SPATA24: variants seen among roughly 807,000 people sequenced by gnomAD.
The protein encoded by SPATA24 is spermatogenesis-associated protein 24.
In SPATA24, 21 loss-of-function variants were observed where a neutral mutation model predicts 28.9. The ratio of observed to expected loss-of-function variants is 0.73; its 90% CI spans 0.52 to 1.05. SPATA24 has a LOEUF of 1.05. Ranked by LOEUF, SPATA24 falls within the 50% of genes least tolerant of loss-of-function variation. The pLI is 0.00. For synonymous variants in SPATA24, 76 were observed against 89.9 expected, an observed-to-expected ratio of 0.85 and a Z score of 0.88; for missense variants, 215 against 242.9, an observed-to-expected ratio of 0.88 and a Z score of 0.76.
In SPATA24 at chr5:139,401,808, C is replaced by G. The variant is rs1758827685; in HGVS notation, c.332G>C (p.Ser111Thr). ...CTTGCTGGACTCCTGAAGGACTTTGCTCTTGACACTGGAGAGCCTGGGTGG... is the reference window on the plus strand; with the variant it reads ...CTTGCTGGACTCCTGAAGGACTTTGGTCTTGACACTGGAGAGCCTGGGTGG... ...AFEKALSSVK[S>T]KVLQESSKKD... Residue 111 changes from serine to threonine, a missense_variant, in exon 4 of 6, where the codon AGC becomes ACC. Physicochemically the swap from Ser to Thr is moderately conservative, Grantham distance 58 (BLOSUM62 1). Transcript: ENST00000450845. 1.3e-6 allele frequency: 2 copies of G among 1,551,162 alleles called. No homozygotes were observed. Among genetic ancestry groups the G allele is most frequent in the African/African-American group, 2.7e-5 (2 of 73,004 alleles).
intron 4 of SPATA24, among the ~76,000 whole-genome samples, chr5:139,400,406 AAGC>A (rs926668901): frequency 2.0e-5 from 3 of 149,796 alleles, no homozygotes; most frequent in African/African-American, 7.4e-5. Context: ...TCCTGGGTTC[AAGC>A]AGTTCTCCTG....
chr5:139,394,076 C>T (rs1433784755), downstream of SPATA24: 1 of 1,550,878 alleles, frequency 6.4e-7, no homozygotes, highest in African/African-American at 1.4e-5. Context: ...CTAACAGGAC[C>T]CAGCGGCTCC....
At chr5:139,398,117 G>A (rs996218480) in intron 4 of SPATA24, among the ~76,000 whole-genome samples, 10 of 152,330 alleles carry the variant, frequency 6.6e-5, no homozygotes, top group South Asian at 2.1e-4. Context: ...CAAACTTCCC[G>A]AGGGCTGGCT....
intron 1 of SPATA24, among the ~76,000 whole-genome samples, chr5:139,403,391 C>CTCCA (rs1758863615): frequency 6.6e-6 from 1 of 152,212 alleles, no homozygotes; most frequent in African/African-American, 2.4e-5. Context: ...AAACCATGAA[C>CTCCA]TCCAGATGGC....
downstream of SPATA24, chr5:139,393,125 C>G (rs1758628928): frequency 6.5e-7 from 1 of 1,529,964 alleles, no homozygotes; most frequent in Non-Finnish European, 8.8e-7. Flanking sequence ...CAGGGGTCGG[C>G]AGGAGGCGCA....
intron 4 of SPATA24, among the ~76,000 whole-genome samples, chr5:139,399,153 T>C (rs1561992435): frequency 6.6e-6 from 1 of 151,704 alleles, no homozygotes; most frequent in Non-Finnish European, 1.5e-5. Flanking sequence ...TTGTCTCTAC[T>C]AAAAATACAA....
intron 1 of SPATA24, among the ~76,000 whole-genome samples, chr5:139,402,906 C>G (rs1338907395): frequency 6.6e-6 from 1 of 152,208 alleles, no homozygotes; most frequent in Non-Finnish European, 1.5e-5. Flanking sequence ...AGGAGGCAGT[C>G]CACAGTTAGC....
chr5:139,392,502 G>A, downstream of SPATA24: 1 of 1,351,788 alleles, frequency 7.4e-7, no homozygotes, highest in Non-Finnish European at 9.5e-7. This position sits in a 1 kb window ranked among gnomAD's most constrained non-coding sequence, Gnocchi z 5.8. Context: ...GCGGGGACCG[G>A]TCCGTGGGAG....
At position 139,403,978 on chromosome 5, in the gene SPATA24, G is replaced by A. The variant is rs62385295; in HGVS notation, c.83C>T (p.Ser28Phe). ...CAGCTGGTGGATTAGTTCCTCCTGA[G>A]ACTCAATCACGTCCCGCAGTTGATC... ...ALDQLRDVIE[S>F]QEELIHQLRN... is the part of the protein sequence containing the mutation. The change falls in exon 1 of 6, where the codon TCT (serine) becomes TTT (phenylalanine). Residue 28 changes from serine to phenylalanine, a missense_variant. Ser to Phe is a radical substitution (Grantham distance 155, BLOSUM62 -2). Coordinates refer to ENST00000450845, the MANE Select transcript of SPATA24 (RefSeq NM_194296.2). The A allele has an allele frequency of 6.4e-7, 1 of 1,551,836 alleles. No homozygotes were observed. The highest frequency in any genetic ancestry group is 1.2e-5 in the South Asian group (1 of 84,056).
downstream of SPATA24, chr5:139,394,409 C>T (rs1758658234): frequency 7.2e-7 from 1 of 1,388,382 alleles, no homozygotes. Flanking sequence ...GGGCGCGGCG[C>T]GCCGGCCGCC....
rs201679506 is a variant in SPATA24, at chr5:139,402,084, G to A, written c.184-39C>T. 2.5e-3 allele frequency: 3,846 copies of A among 1,541,850 alleles called. 5 individuals are homozygous for A. Among genetic ancestry groups the A allele is most frequent in the Non-Finnish European group, 3.3e-3 (3,720 of 1,143,910 alleles). ...AGCAGTCACCTCATTACCCTAGGCCGCCTTGGGTCTCCTAGACTCCCTTAA... is the reference window on the plus strand; with the variant it reads ...AGCAGTCACCTCATTACCCTAGGCCACCTTGGGTCTCCTAGACTCCCTTAA... On this transcript the variant is annotated intron_variant, in intron 2 of 5. Coordinates refer to ENST00000450845, the MANE Select transcript of SPATA24 (RefSeq NM_194296.2).
chr5:139,403,962 G>A lies in SPATA24; in HGVS notation c.99C>T (p.Ile33=), dbSNP rs1367740314. 4 of 1,551,542 alleles carry A rather than the reference G, an allele frequency of 2.6e-6. No individual in the cohort carries two copies. Among genetic ancestry groups the A allele is most frequent in the African/African-American group, 2.7e-5 (2 of 73,040 alleles). The change falls in exon 1 of 6, where the codon ATC becomes ATT. Residue 33 remains isoleucine, a synonymous_variant. Transcript: ENST00000450845. ...RDVIESQEEL[I]HQLRNVMVLQ... ...TGCATACCACGTTCCTCAGCTGGTG[G>A]ATTAGTTCCTCCTGAGACTCAATCA...
chr5:139,396,655 C>T (rs558379714), downstream of SPATA24: 1 of 1,519,212 alleles, frequency 6.6e-7, no homozygotes, highest in Non-Finnish European at 8.8e-7. Context: ...CCAGCTCCTC[C>T]CCTAGGCTAC....
chr5:139,402,614 A>G lies in SPATA24; in HGVS notation c.183+14T>C. 4 of 1,550,864 alleles carry G rather than the reference A, an allele frequency of 2.6e-6. No individual in the cohort carries two copies. Among genetic ancestry groups the G allele is most frequent in the Non-Finnish European group, 3.5e-6 (4 of 1,146,284 alleles). Reference sequence around the variant, plus strand: ...ACGGGGGAAGATTAGGAGACCGCAGAGGCCATTACTTACCACCAGCTTCTT... The same window carrying G: ...ACGGGGGAAGATTAGGAGACCGCAGGGGCCATTACTTACCACCAGCTTCTT... On this transcript the variant is annotated intron_variant, in intron 2 of 5. Coordinates refer to ENST00000450845, the MANE Select transcript of SPATA24 (RefSeq NM_194296.2).
chr5:139,394,230 C>G (rs1289724475), downstream of SPATA24: 3 of 1,548,670 alleles, frequency 1.9e-6, no homozygotes, highest in Admixed American at 5.9e-5. Context: ...TGCTGCGGGC[C>G]GTTTCCCGGG....
intron 2 of SPATA24, 68 bp from the exon 3 acceptor site, chr5:139,402,113 G>C: frequency 1.3e-6 from 2 of 1,500,632 alleles, no homozygotes; most frequent in Non-Finnish European, 1.8e-6. Flanking sequence ...CCCTTAACCA[G>C]CCCCCCTTCT....
chr5:139,403,962 G>C lies in SPATA24; in HGVS notation c.99C>G (p.Ile33Met). The C allele has an allele frequency of 6.4e-7, 1 of 1,551,660 alleles. No individual in the cohort carries two copies. The highest frequency in any genetic ancestry group is 1.2e-5 in the South Asian group (1 of 84,062). Residue 33 changes from isoleucine to methionine, a missense_variant, in exon 1 of 6, where the codon ATC becomes ATG. Coordinates refer to ENST00000450845, the MANE Select transcript of SPATA24 (RefSeq NM_194296.2). ...TGCATACCACGTTCCTCAGCTGGTG[G>C]ATTAGTTCCTCCTGAGACTCAATCA... ...RDVIESQEEL[I>M]HQLRNVMVLQ...
At chr5:139,393,232 G>T, downstream of SPATA24, 1 of 1,549,130 alleles carries the variant, frequency 6.5e-7, no homozygotes, top group Non-Finnish European at 8.7e-7. Flanking sequence ...GGCCATGCGC[G>T]GGCGTCCCGA....
At chr5:139,395,059 G>A (rs1410499837), downstream of SPATA24, 1 of 1,416,736 alleles carries the variant, frequency 7.1e-7, no homozygotes, top group Non-Finnish European at 9.2e-7. Flanking sequence ...AGGCAGGGCT[G>A]GCGGGGCGAG....
Sources: allele counts gnomAD v4.1 joint callset (sites outside exome capture counted in the v4.1 genomes callset), GRCh38; gene constraint gnomAD v4.1.1; non-coding constraint Gnocchi (gnomAD v3.1); transcripts MANE v1.5; gene names NCBI Gene and HGNC (gene_info 2026-07-23, HGNC 2026-07-21).